SORCS2: variants seen among roughly 807,000 people sequenced by gnomAD.
SORCS2 encodes the protein sortilin related VPS10 domain containing receptor 2.
A neutral mutation model predicts 141.6 loss-of-function variants in SORCS2; 100 were observed. The observed-to-expected ratio is 0.71, with a 90% confidence interval of 0.60 to 0.83. SORCS2 has a LOEUF of 0.83. Ranked by LOEUF, SORCS2 falls within the 40% of genes least tolerant of loss-of-function variation. SORCS2 has a pLI of 0.00. For missense variants in SORCS2, 1,646 were observed against 1,560.2 expected (o/e 1.05, Z -0.93); for synonymous variants, 789 against 676.9 (o/e 1.17, Z -2.57).
chr4:7,706,061 CAGGG>C (rs1725419111), intron 14 of SORCS2, among the ~76,000 whole-genome samples: 1 of 147,570 alleles, frequency 6.8e-6, no homozygotes, highest in Non-Finnish European at 1.5e-5. Flanking sequence ...TCCGCCTGGG[CAGGG>C]ATGAGGCTGG....
intron 2 of SORCS2, among the ~76,000 whole-genome samples, chr4:7,485,239 A>T (rs1246529174): frequency 6.6e-6 from 1 of 152,212 alleles, no homozygotes; most frequent in African/African-American, 2.4e-5. Flanking sequence ...CTAAGCCAGC[A>T]TGCCCCTCCC....
chr4:7,616,005 T>TA (rs1214473504), intron 3 of SORCS2, among the ~76,000 whole-genome samples: 3 of 152,226 alleles, frequency 2.0e-5, no homozygotes, highest in Non-Finnish European at 4.4e-5. Flanking sequence ...TACTTATTAC[T>TA]AAAAAAAGTT....
At chr4:7,589,245 G>A (rs1716748712) in intron 3 of SORCS2, among the ~76,000 whole-genome samples, 1 of 152,198 alleles carries the variant, frequency 6.6e-6, no homozygotes, top group Non-Finnish European at 1.5e-5. Context: ...GACATCAACA[G>A]TGAGAATGGA....
At chr4:7,527,532 C>T (rs1265175137) in intron 2 of SORCS2, among the ~76,000 whole-genome samples, 1 of 152,180 alleles carries the variant, frequency 6.6e-6, no homozygotes, top group Non-Finnish European at 1.5e-5. Context: ...GGCATGGGTT[C>T]TCCTCTGGAG....
intron 2 of SORCS2, among the ~76,000 whole-genome samples, chr4:7,451,682 T>A (rs1728473692): frequency 6.6e-6 from 1 of 152,202 alleles, no homozygotes; most frequent in Admixed American, 6.5e-5. Context: ...ACCATAGGGA[T>A]TCTGGGCTTT....
intron 19 of SORCS2, among the ~76,000 whole-genome samples, chr4:7,724,293 T>C (rs1261615442): frequency 3.1e-5 from 4 of 129,648 alleles, no homozygotes; most frequent in Admixed American, 8.3e-5. Context: ...GTGGTGGTGA[T>C]AATGGTGACA....
At chr4:7,553,020 A>C (rs1159095430) in intron 3 of SORCS2, among the ~76,000 whole-genome samples, 2 of 152,182 alleles carry the variant, frequency 1.3e-5, no homozygotes, top group Non-Finnish European at 2.9e-5. Context: ...TTTCAACCAT[A>C]GAACTAGAGG....
At chr4:7,479,918 C>A (rs1260986785) in intron 2 of SORCS2, among the ~76,000 whole-genome samples, 5 of 152,230 alleles carry the variant, frequency 3.3e-5, no homozygotes, top group Non-Finnish European at 7.3e-5. Flanking sequence ...AAAGAGGCAG[C>A]CCTGTCCTCC....
At chr4:7,388,902 G>A (rs1179650901) in intron 1 of SORCS2, among the ~76,000 whole-genome samples, 2 of 152,084 alleles carry the variant, frequency 1.3e-5, no homozygotes, top group African/African-American at 4.8e-5. Flanking sequence ...TTGTTGTGGT[G>A]TTGTGGTGTT....
At chr4:7,690,856 TG>T (rs1378526152) in intron 11 of SORCS2, among the ~76,000 whole-genome samples, 3 of 152,212 alleles carry the variant, frequency 2.0e-5, no homozygotes, top group Non-Finnish European at 4.4e-5. Context: ...ATAATTTTTG[TG>T]TTTGTCTCTT....
chr4:7,573,637 C>G (rs941649047), intron 3 of SORCS2, among the ~76,000 whole-genome samples: 7 of 152,178 alleles, frequency 4.6e-5, no homozygotes, highest in Non-Finnish European at 1.0e-4. Flanking sequence ...CCTGCCTCAG[C>G]CCCCTGAGTA....
intron 10 of SORCS2, among the ~76,000 whole-genome samples, chr4:7,684,302 G>C (rs1437507426): frequency 1.3e-5 from 2 of 152,226 alleles, no homozygotes; most frequent in African/African-American, 4.8e-5. Flanking sequence ...CTTTGGCATT[G>C]GAGTGAGGAT....
intron 2 of SORCS2, among the ~76,000 whole-genome samples, chr4:7,470,253 C>T (rs1353679015): frequency 6.6e-6 from 1 of 151,528 alleles, no homozygotes; most frequent in Non-Finnish European, 1.5e-5. Context: ...ATCCTCCCAT[C>T]CTCCCATCCT....
At chr4:7,406,270 C>T (rs1183797386) in intron 2 of SORCS2, among the ~76,000 whole-genome samples, 2 of 150,940 alleles carry the variant, frequency 1.3e-5, no homozygotes, top group East Asian at 4.0e-4. Context: ...GAAGTATTCC[C>T]TCCTCTTCAG....
chr4:7,437,370 A>T (rs910739477), intron 2 of SORCS2, among the ~76,000 whole-genome samples: 3 of 152,076 alleles, frequency 2.0e-5, no homozygotes, highest in African/African-American at 7.2e-5. Flanking sequence ...GGGCTTCCAC[A>T]CCCTCTGGGT....
chr4:7,661,844 G>T (rs1312015009), intron 6 of SORCS2, among the ~76,000 whole-genome samples: 1 of 152,106 alleles, frequency 6.6e-6, no homozygotes, highest in East Asian at 1.9e-4. Context: ...ACCACCCCTG[G>T]CATGTGCTAA....
chr4:7,208,297 C>T (rs576628657), intron 1 of SORCS2, among the ~76,000 whole-genome samples: 95 of 152,318 alleles, frequency 6.2e-4, no homozygotes, highest in African/African-American at 2.1e-3. Flanking sequence ...GCCCCCAGCC[C>T]TCCAGCCCCC....
At chr4:7,430,774 C>G (rs961741922) in intron 2 of SORCS2, 4 of 152,298 alleles carry the variant, frequency 2.6e-5, no homozygotes, top group African/African-American at 7.2e-5. Flanking sequence ...CTGGTATCTC[C>G]TCTCCCACAG....
intron 3 of SORCS2, among the ~76,000 whole-genome samples, chr4:7,535,730 C>T (rs1252009011): frequency 1.3e-5 from 2 of 152,230 alleles, no homozygotes; most frequent in African/African-American, 4.8e-5. Flanking sequence ...CAAAGCCTCA[C>T]ACGTGTGGCC....
Sources: gnomAD v4.1 joint callset for allele counts (sites outside exome capture counted in the v4.1 genomes callset) on GRCh38, gnomAD v4.1.1 for gene constraint, MANE v1.5 for transcripts, NCBI Gene and HGNC (gene_info 2026-07-23, HGNC 2026-07-21) for gene names.